PLCXD3: variants seen among roughly 807,000 people sequenced by gnomAD.
PLCXD3 encodes the protein phosphatidylinositol specific phospholipase C X domain containing 3.
A neutral mutation model predicts 25.5 loss-of-function variants in PLCXD3; 19 were observed. The ratio of observed to expected loss-of-function variants is 0.75; its 90% CI spans 0.52 to 1.09. PLCXD3 has a LOEUF of 1.09. Among genes scored for constraint, PLCXD3 ranks in the 50% least tolerant of loss-of-function variants. PLCXD3 has a pLI of 0.00. For synonymous variants in PLCXD3, 174 were observed against 137.6 expected, an observed-to-expected ratio of 1.26 and a Z score of -1.85; for missense variants, 411 against 388.1, an observed-to-expected ratio of 1.06 and a Z score of -0.50.
intron 2 of PLCXD3, among the ~76,000 whole-genome samples, chr5:41,324,863 A>G (rs1040129030): frequency 6.6e-6 from 1 of 152,212 alleles, no homozygotes; most frequent in African/African-American, 2.4e-5. Flanking sequence ...GAGGCGGAGT[A>G]GATAAGTGTG....
intron 2 of PLCXD3, among the ~76,000 whole-genome samples, chr5:41,377,696 T>C (rs561822250): frequency 6.6e-6 from 1 of 152,202 alleles, no homozygotes; most frequent in Admixed American, 6.5e-5. Context: ...AAAGCTACGG[T>C]ACCTAAATCC....
At chr5:41,381,182 A>G (rs1463154325) in intron 2 of PLCXD3, among the ~76,000 whole-genome samples, 1 of 152,130 alleles carries the variant, frequency 6.6e-6, no homozygotes, top group African/African-American at 2.4e-5. Context: ...AGGGATATTA[A>G]AAGACTCTGC....
At chr5:41,354,566 T>C (rs970106929) in intron 2 of PLCXD3, among the ~76,000 whole-genome samples, 2 of 152,178 alleles carry the variant, frequency 1.3e-5, no homozygotes, top group African/African-American at 2.4e-5. Context: ...GTTTAGCCCA[T>C]AGTCATATGG....
At chr5:41,493,645 C>T (rs1263690559) in intron 1 of PLCXD3, among the ~76,000 whole-genome samples, 5 of 152,232 alleles carry the variant, frequency 3.3e-5, no homozygotes, top group Admixed American at 2.0e-4. Flanking sequence ...ATGGTGGGCA[C>T]CCCTCCCCCA....
intron 1 of PLCXD3, among the ~76,000 whole-genome samples, chr5:41,388,540 A>G (rs980008530): frequency 6.6e-5 from 10 of 152,166 alleles, no homozygotes; most frequent in African/African-American, 2.4e-4. Flanking sequence ...TTGCTGTAAT[A>G]TACTGGCTGG....
At chr5:41,343,697 C>T (rs192955210) in intron 2 of PLCXD3, among the ~76,000 whole-genome samples, 2 of 152,128 alleles carry the variant, frequency 1.3e-5, no homozygotes, top group Admixed American at 1.3e-4. Flanking sequence ...TATACTTAAA[C>T]CTGAAGAAAA....
In PLCXD3 at chr5:41,453,350, T is replaced by C. The variant is rs563422261; in HGVS notation, c.103+57074A>G. Among the ~76,000 whole-genome samples the C allele has an allele frequency of 3.3e-5, 5 of 151,852 alleles. No homozygotes were observed. In the South Asian group the frequency reaches 1.0e-3, roughly 31 times the overall value. ...TTGCTACTATGCTCTGTACCCATTC[T>C]CTGTCTTTTTTTTTTTTTAATGACC... is the stretch of plus-strand genomic sequence containing the variant. On this transcript the variant is annotated intron_variant, in intron 1 of 2. Transcript: ENST00000377801.
chr5:41,507,635 A>C (rs1749075868), intron 1 of PLCXD3, among the ~76,000 whole-genome samples: 1 of 152,214 alleles, frequency 6.6e-6, no homozygotes. Context: ...AATCTGGGTC[A>C]GCTGCCCCAG....
chr5:41,345,561 A>G lies in PLCXD3; in HGVS notation c.813-31791T>C, dbSNP rs543492740. Among the ~76,000 whole-genome samples the G allele has an allele frequency of 6.6e-5, 10 of 152,346 alleles. No homozygotes were observed. The East Asian group carries it at 1.5e-3, about 23-fold the overall frequency. On this transcript the variant is annotated intron_variant, in intron 2 of 2. Transcript: ENST00000377801. ...CATTGTTTTCTGAACACAGCCTGTC[A>G]TTCAGCTCAGGCTAGTAGTGAATAG...
chr5:41,490,036 GT>G (rs1164013419), intron 1 of PLCXD3, among the ~76,000 whole-genome samples: 9 of 151,888 alleles, frequency 5.9e-5, no homozygotes, highest in Admixed American at 3.9e-4. Context: ...AATGCTTCCA[GT>G]TTTTGCCCAT....
chr5:41,353,695 T>C (rs777502603), intron 2 of PLCXD3, among the ~76,000 whole-genome samples: 1 of 152,178 alleles, frequency 6.6e-6, no homozygotes, highest in Non-Finnish European at 1.5e-5. Context: ...TTAGGTAAAA[T>C]ATGGAGTTAC....
intron 2 of PLCXD3, among the ~76,000 whole-genome samples, chr5:41,329,860 A>T (rs943609545): frequency 6.7e-6 from 1 of 150,172 alleles, no homozygotes; most frequent in Non-Finnish European, 1.5e-5. Context: ...TTTATTAATT[A>T]GAATTAAGTT....
chr5:41,387,079 C>A (rs1189461720), intron 1 of PLCXD3, among the ~76,000 whole-genome samples: 1 of 152,044 alleles, frequency 6.6e-6, no homozygotes, highest in African/African-American at 2.4e-5. Flanking sequence ...CTTGTGTTTT[C>A]ATCTGTTAAT....
chr5:41,412,547 T>C (rs1049509538), intron 1 of PLCXD3, among the ~76,000 whole-genome samples: 2 of 152,198 alleles, frequency 1.3e-5, no homozygotes, highest in Non-Finnish European at 2.9e-5. Flanking sequence ...GAGCTGTTAG[T>C]GGGAAATTAC....
At chr5:41,427,490 A>G (rs1342098411) in intron 1 of PLCXD3, among the ~76,000 whole-genome samples, 2 of 152,130 alleles carry the variant, frequency 1.3e-5, no homozygotes, top group Non-Finnish European at 2.9e-5. Context: ...GCTTCTAAAC[A>G]TTATTTTACT....
intron 2 of PLCXD3, among the ~76,000 whole-genome samples, chr5:41,377,245 A>G (rs551176631): frequency 6.6e-6 from 1 of 152,168 alleles, no homozygotes; most frequent in Non-Finnish European, 1.5e-5. Context: ...TTTTATAAAT[A>G]TTGAACCTAA....
At chr5:41,338,722 G>T (rs987366909) in intron 2 of PLCXD3, among the ~76,000 whole-genome samples, 10 of 151,746 alleles carry the variant, frequency 6.6e-5, no homozygotes, top group Admixed American at 5.9e-4. Context: ...TTAAATATTT[G>T]AAAATAATTG....
intron 2 of PLCXD3, among the ~76,000 whole-genome samples, chr5:41,352,981 G>T (rs973595796): frequency 2.6e-4 from 39 of 152,212 alleles, no homozygotes; most frequent in African/African-American, 8.9e-4. Flanking sequence ...TAAAGCCAGT[G>T]CCTATCATGG....
At chr5:41,461,738 C>T (rs1747878168) in intron 1 of PLCXD3, among the ~76,000 whole-genome samples, 1 of 151,974 alleles carries the variant, frequency 6.6e-6, no homozygotes, top group South Asian at 2.1e-4. Context: ...GCAGCTTATT[C>T]TGCTCCCAAA....
Sources: gnomAD v4.1 joint callset for allele counts (sites outside exome capture counted in the v4.1 genomes callset) on GRCh38, gnomAD v4.1.1 for gene constraint, MANE v1.5 for transcripts, NCBI Gene and HGNC (gene_info 2026-07-23, HGNC 2026-07-21) for gene names.